KANK1: variants seen among roughly 807,000 people sequenced by gnomAD.
KANK1 encodes the protein KN motif and ankyrin repeat domain-containing protein 1.
Under a neutral mutation model 106.2 loss-of-function variants are expected in KANK1, and 109 were observed. The ratio of observed to expected loss-of-function variants is 1.03; its 90% confidence interval spans 0.88 to 1.20. KANK1 has a LOEUF of 1.20. Ranked by LOEUF, KANK1 falls within the 50% of genes most tolerant of loss-of-function variation. The pLI, the probability that KANK1 is intolerant of heterozygous loss-of-function variation, is 0.00. For synonymous variants in KANK1, 873 were observed against 652.2 expected (o/e 1.34, Z -5.16); for missense variants, 2,399 against 1,710.7 (o/e 1.40, Z -7.10).
At chr9:625,051 G>A (rs1423159774) in intron 1 of KANK1, among the ~76,000 whole-genome samples, 4 of 152,070 alleles carry the variant, frequency 2.6e-5, no homozygotes, top group Admixed American at 6.5e-5. Flanking sequence ...CTTGTTCGAT[G>A]CCCTGGGGTC....
At chr9:507,369 T>G (rs1286081628) in intron 1 of KANK1, among the ~76,000 whole-genome samples, 1 of 151,952 alleles carries the variant, frequency 6.6e-6, no homozygotes, top group African/African-American at 2.4e-5. Context: ...CAAGATGAGC[T>G]GTACCATAGG....
chr9:732,215 C>G, intron 5 of KANK1, 163 bp from the exon 6 acceptor site: 4 of 744,706 alleles, frequency 5.4e-6, no homozygotes, highest in Non-Finnish European at 8.5e-6. Flanking sequence ...CCATTCAAAA[C>G]CACCAGGCAT....
intron 1 of KANK1, among the ~76,000 whole-genome samples, chr9:514,365 G>T (rs2059190293): frequency 6.8e-6 from 1 of 147,310 alleles, no homozygotes; most frequent in African/African-American, 2.6e-5. Flanking sequence ...GATTATCCCT[G>T]TTATGAGATG....
chr9:581,115 G>A (rs185604255), intron 1 of KANK1, among the ~76,000 whole-genome samples: 34 of 152,208 alleles, frequency 2.2e-4, no homozygotes, highest in African/African-American at 2.9e-4. Context: ...CTCCTGGCCC[G>A]CGAGCGTTGT....
At chr9:500,810 G>A (rs7036591), upstream of KANK1, among the ~76,000 whole-genome samples, 21,575 of 152,188 alleles carry the variant, frequency 0.14, 2,967 homozygotes, top group African/African-American at 0.36. Context: ...CGGAGCTTCA[G>A]TACCCTGGAC....
intron 1 of KANK1, among the ~76,000 whole-genome samples, chr9:546,031 G>A (rs974347726): frequency 2.0e-5 from 3 of 152,080 alleles, no homozygotes; most frequent in Non-Finnish European, 4.4e-5. Flanking sequence ...ACAGGTGTGA[G>A]CCACCACACC....
At chr9:727,191 T>G (rs1490061665) in intron 3 of KANK1, among the ~76,000 whole-genome samples, 1 of 152,202 alleles carries the variant, frequency 6.6e-6, no homozygotes, top group Non-Finnish European at 1.5e-5. Flanking sequence ...AACAATAGCC[T>G]TCTGTGTCTT....
intron 1 of KANK1, among the ~76,000 whole-genome samples, chr9:514,181 TCTCTCC>T (rs2059168611): frequency 1.3e-5 from 1 of 74,568 alleles, no homozygotes; most frequent in Non-Finnish European, 2.1e-5. Flanking sequence ...CCTCCCTTCC[TCTCTCC>T]CTCCCTTCCT....
intron 3 of KANK1, among the ~76,000 whole-genome samples, chr9:473,533 T>G (rs2058054480): frequency 6.6e-6 from 1 of 152,192 alleles, no homozygotes; most frequent in African/African-American, 2.4e-5. Flanking sequence ...TATCCTACAA[T>G]GAGGCTTACT....
chr9:680,746 T>C (rs1293213964), intron 2 of KANK1: 3 of 152,182 alleles, frequency 2.0e-5, no homozygotes, highest in African/African-American at 7.2e-5. Flanking sequence ...AAATTCGGTT[T>C]AATGGTGCTC....
chr9:670,120 A>C (rs1160013365), intron 1 of KANK1, among the ~76,000 whole-genome samples: 1 of 151,912 alleles, frequency 6.6e-6, no homozygotes, highest in Non-Finnish European at 1.5e-5. Context: ...TAAGTTTCTG[A>C]ATTGCTTTTC....
chr9:604,251 A>G (rs1231541597), intron 1 of KANK1, among the ~76,000 whole-genome samples: 1 of 151,732 alleles, frequency 6.6e-6, no homozygotes, highest in Non-Finnish European at 1.5e-5. Flanking sequence ...TTGAATGAGC[A>G]CTATGTGTCA....
At chr9:694,364 A>G (rs1015135726) in intron 2 of KANK1, among the ~76,000 whole-genome samples, 15 of 152,214 alleles carry the variant, frequency 9.9e-5, no homozygotes, top group Non-Finnish European at 4.4e-5. Context: ...TTAGAACAGC[A>G]TGTTACTTTT....
intron 3 of KANK1, chr9:477,968 C>T: frequency 6.2e-6 from 1 of 161,438 alleles, no homozygotes; most frequent in South Asian, 1.7e-4. Flanking sequence ...CTGGACCTGT[C>T]TCCAAAATAA....
intron 1 of KANK1, among the ~76,000 whole-genome samples, chr9:519,157 T>C (rs552262806): frequency 2.6e-4 from 39 of 151,818 alleles, no homozygotes; most frequent in Non-Finnish European, 4.3e-4. Context: ...CCCAAAGTGC[T>C]GGGATTATAG....
chr9:628,625 C>T (rs1466073208), intron 1 of KANK1, among the ~76,000 whole-genome samples: 1 of 152,114 alleles, frequency 6.6e-6, no homozygotes, highest in Admixed American at 6.5e-5. Context: ...ATGAGAGTAA[C>T]TACTGACTTA....
chr9:628,661 C>G (rs961604145), intron 1 of KANK1, among the ~76,000 whole-genome samples: 1 of 152,120 alleles, frequency 6.6e-6, no homozygotes, highest in Admixed American at 6.5e-5. Context: ...GGGGAGATTC[C>G]TCCCCTCTCT....
intron 2 of KANK1, among the ~76,000 whole-genome samples, chr9:686,621 A>G (rs1818643903): frequency 6.6e-6 from 1 of 152,180 alleles, no homozygotes; most frequent in Non-Finnish European, 1.5e-5. Flanking sequence ...GCCCTTTGCC[A>G]CCAGATTTTT....
Position 621,351 on chromosome 9 carries a change from CA to C in KANK1, c.-83-55536del, listed in dbSNP as rs138774052. On this transcript the variant is annotated intron_variant, in intron 1 of 11. Transcript: ENST00000382297. ...TGACTGTAGTAAAAACAAGTGTGAG[CA>C]AAGTCTTCATATGCACTGAGTCTGG... 5.2e-3 allele frequency among the ~76,000 whole-genome samples: 788 copies of C among 152,186 alleles called. 5 individuals carry two copies. Among genetic ancestry groups the C allele is most frequent in the African/African-American group, 0.018 (746 of 41,512 alleles).
Sources: allele counts gnomAD v4.1 joint callset (sites outside exome capture counted in the v4.1 genomes callset), GRCh38; gene constraint gnomAD v4.1.1; transcripts MANE v1.5; gene names NCBI Gene and HGNC (gene_info 2026-07-23, HGNC 2026-07-21).